HECW1: variants seen among roughly 807,000 people sequenced by gnomAD.
The protein encoded by HECW1 is E3 ubiquitin-protein ligase HECW1.
HECW1 carries 61 observed loss-of-function variants against 182.3 expected under a neutral mutation model. That is an observed-to-expected ratio of 0.33 (90% CI 0.27 to 0.41). HECW1 has a LOEUF of 0.41. Ranked by LOEUF, HECW1 falls within the 10% of genes least tolerant of loss-of-function variation. HECW1 has a pLI of 1.00. For missense variants in HECW1, 1,739 were observed against 2,108.9 expected, an observed-to-expected ratio of 0.82 and a Z score of 3.44; for synonymous variants, 859 against 832.6, an observed-to-expected ratio of 1.03 and a Z score of -0.55.
At chr7:43,526,269 G>C (rs2080752692) in intron 24 of HECW1, among the ~76,000 whole-genome samples, 1 of 152,164 alleles carries the variant, frequency 6.6e-6, no homozygotes, top group Non-Finnish European at 1.5e-5. Context: ...TGCTACATCA[G>C]TTTAGACTTA....
At chr7:43,537,737 T>C (rs186416991) in intron 24 of HECW1, among the ~76,000 whole-genome samples, 5 of 152,364 alleles carry the variant, frequency 3.3e-5, no homozygotes, top group Admixed American at 3.3e-4. Context: ...AGTCATCCCG[T>C]CTGTGGTTAT....
intron 13 of HECW1, 124 bp from the exon 14 acceptor site, chr7:43,463,536 A>T: frequency 1.2e-6 from 1 of 833,544 alleles, no homozygotes; most frequent in Non-Finnish European, 1.8e-6. Context: ...TGGGAATTTT[A>T]AGCATTTCTT....
chr7:43,383,224 A>G (rs2074630292), intron 6 of HECW1, among the ~76,000 whole-genome samples: 1 of 152,160 alleles, frequency 6.6e-6, no homozygotes, highest in South Asian at 2.1e-4. Flanking sequence ...GCTATTGTAA[A>G]TCGTGCTACA....
chr7:43,207,795 A>G (rs1473629946), intron 2 of HECW1: 2 of 152,200 alleles, frequency 1.3e-5, no homozygotes, highest in African/African-American at 2.4e-5. Flanking sequence ...TTGGCTTGTC[A>G]TCTCGTGCAG....
At chr7:43,442,716 C>T (rs2076927192) in intron 10 of HECW1, 87 bp downstream of exon 10, 5 of 883,244 alleles carry the variant, frequency 5.7e-6, no homozygotes, top group South Asian at 1.4e-5. Flanking sequence ...CTATGGTTCT[C>T]TCCAGATGTA....
intron 2 of HECW1, among the ~76,000 whole-genome samples, chr7:43,190,404 G>A (rs1044403644): frequency 3.3e-5 from 5 of 152,144 alleles, no homozygotes; most frequent in East Asian, 1.9e-4. Context: ...GAGCCCCTGC[G>A]CCTGGCCAGA....
intron 16 of HECW1, among the ~76,000 whole-genome samples, chr7:43,472,232 G>A (rs1012230563): frequency 6.6e-6 from 1 of 151,650 alleles, no homozygotes; most frequent in Non-Finnish European, 1.5e-5. Context: ...GGAGGAGACA[G>A]TAAAAAAAAA....
At chr7:43,404,418 G>C (rs2075534345) in intron 7 of HECW1, among the ~76,000 whole-genome samples, 1 of 152,184 alleles carries the variant, frequency 6.6e-6, no homozygotes, top group African/African-American at 2.4e-5. Context: ...TTTGAAAGGA[G>C]TTGTTAAAAT....
At chr7:43,311,180 G>A (rs926639927) in intron 3 of HECW1, among the ~76,000 whole-genome samples, 3 of 152,180 alleles carry the variant, frequency 2.0e-5, no homozygotes, top group African/African-American at 7.2e-5. Flanking sequence ...TATTCAAAGA[G>A]TACTAGGATG....
At chr7:43,553,046 G>GC (rs1353289216) in intron 28 of HECW1, among the ~76,000 whole-genome samples, 4 of 152,134 alleles carry the variant, frequency 2.6e-5, no homozygotes, top group African/African-American at 9.7e-5. Flanking sequence ...AGCCCTCTCT[G>GC]CCTCAATCCT....
chr7:43,509,183 C>A, intron 24 of HECW1, 62 bp downstream of exon 24: 1 of 1,552,680 alleles, frequency 6.4e-7, no homozygotes, highest in Non-Finnish European at 8.8e-7. Flanking sequence ...AGTCAGAATT[C>A]AGCAGCATTT....
chr7:43,500,857 A>C, intron 20 of HECW1, 75 bp downstream of exon 20: 1 of 1,246,748 alleles, frequency 8.0e-7, no homozygotes, highest in Non-Finnish European at 1.2e-6. Flanking sequence ...CACCCTGAAA[A>C]TGGCCTAGAC....
chr7:43,220,088 T>G (rs1339308719), intron 2 of HECW1, among the ~76,000 whole-genome samples: 1 of 152,222 alleles, frequency 6.6e-6, no homozygotes, highest in African/African-American at 2.4e-5. Flanking sequence ...CACCTACACT[T>G]CTACTAGCTG....
At chr7:43,548,092 C>T (rs548741048) in intron 26 of HECW1, among the ~76,000 whole-genome samples, 1 of 152,186 alleles carries the variant, frequency 6.6e-6, no homozygotes, top group Non-Finnish European at 1.5e-5. Flanking sequence ...GTCTCAACTG[C>T]CAGTGGCACC....
intron 29 of HECW1, among the ~76,000 whole-genome samples, chr7:43,559,599 A>G (rs2082144275): frequency 6.6e-6 from 1 of 152,176 alleles, no homozygotes; most frequent in Non-Finnish European, 1.5e-5. Context: ...GAGGCTCAGG[A>G]AGATTAATTG....
At chr7:43,455,625 T>C (rs1417278694) in intron 12 of HECW1, among the ~76,000 whole-genome samples, 1 of 152,232 alleles carries the variant, frequency 6.6e-6, no homozygotes, top group Non-Finnish European at 1.5e-5. Context: ...GTGATGGACA[T>C]TTCTAAAGAA....
chr7:43,400,905 G>A (rs988508218), intron 7 of HECW1, among the ~76,000 whole-genome samples: 4 of 152,172 alleles, frequency 2.6e-5, no homozygotes, highest in African/African-American at 9.7e-5. Context: ...TCAGCTTCTA[G>A]AGGCTGCCAG....
chr7:43,394,134 C>T (rs988846723), intron 6 of HECW1, among the ~76,000 whole-genome samples: 4 of 152,104 alleles, frequency 2.6e-5, no homozygotes, highest in African/African-American at 4.8e-5. Context: ...AGGTCTCCCA[C>T]AGCCATGTCC....
intron 2 of HECW1, among the ~76,000 whole-genome samples, chr7:43,155,095 G>A (rs1789735811): frequency 6.6e-6 from 1 of 152,164 alleles, no homozygotes; most frequent in Non-Finnish European, 1.5e-5. Context: ...TGCACCTCCT[G>A]AGGAACATCC....
Sources: allele counts gnomAD v4.1 joint callset (sites outside exome capture counted in the v4.1 genomes callset), GRCh38; gene constraint gnomAD v4.1.1; transcripts MANE v1.5; gene names NCBI Gene and HGNC (gene_info 2026-07-23, HGNC 2026-07-21).